ZNF619: variants seen among roughly 807,000 people sequenced by gnomAD.
The protein encoded by ZNF619 is zinc finger protein 619.
Under a neutral mutation model 14.2 loss-of-function variants are expected in ZNF619, and 9 were observed. That is an observed-to-expected ratio of 0.64 (90% CI 0.38 to 1.11). The LOEUF (loss-of-function observed/expected upper bound fraction) is 1.11. Among genes scored for constraint, ZNF619 ranks in the 50% least tolerant of loss-of-function variants. The pLI is 0.01. For missense variants in ZNF619, 659 were observed against 680.1 expected, an observed-to-expected ratio of 0.97 and a Z score of 0.34; for synonymous variants, 246 against 252.8, an observed-to-expected ratio of 0.97 and a Z score of 0.26.
intron 2 of ZNF619, among the ~76,000 whole-genome samples, chr3:40,478,612 C>A (rs143233233): frequency 1.3e-5 from 2 of 151,904 alleles, no homozygotes; most frequent in Non-Finnish European, 2.9e-5. Flanking sequence ...GTCAGTCTAA[C>A]CTCTGTGAGA....
At chr3:40,486,485 A>AG (rs1697582300) in intron 4 of ZNF619, among the ~76,000 whole-genome samples, 1 of 152,134 alleles carries the variant, frequency 6.6e-6, no homozygotes, top group African/African-American at 2.4e-5. Context: ...GGCTGACCAG[A>AG]GGTCAGGAGT....
rs201401885 is a variant in ZNF619 at position 40,484,472 on chromosome 3, CT to C, written c.295+1772del. Among the ~76,000 whole-genome samples the C allele has an allele frequency of 5.6e-4, 85 of 152,322 alleles. 1 individual carries two copies. In the East Asian group the frequency reaches 0.015, roughly 26 times the overall value. ...GGCTCTGTTATCATATTCTGTCAATCTTTTATGCTATTCAGAGCCTCTGTAA... is the reference window on the plus strand; with the variant it reads ...GGCTCTGTTATCATATTCTGTCAATCTTTATGCTATTCAGAGCCTCTGTAA... On this transcript the variant is annotated intron_variant, in intron 4 of 4. Transcript: ENST00000432264.
At chr3:40,479,503 T>G (rs1189561760) in intron 2 of ZNF619, among the ~76,000 whole-genome samples, 1 of 152,224 alleles carries the variant, frequency 6.6e-6, no homozygotes, top group African/African-American at 2.4e-5. Flanking sequence ...CTTCGTGCGT[T>G]ACAGATAATA....
In ZNF619 at chr3:40,478,010, A is replaced by G; in HGVS notation, c.24+7A>G. On this transcript the variant is annotated splice_region_variant and intron_variant, in intron 2 of 4. Transcript: ENST00000432264. ...CCAGACAGTGTGGTTCCAGGTGAGC[A>G]GAGCTTTCTTTCAGCTTTCCATACT... 1 of 1,553,006 alleles carries G rather than the reference A, an allele frequency of 6.4e-7. No homozygotes were observed. The highest frequency in any genetic ancestry group is 8.7e-7 in the Non-Finnish European group (1 of 1,147,516).
At position 40,488,095 on chromosome 3, in the gene ZNF619, C is replaced by T; in HGVS notation, c.1585C>T (p.Pro529Ser). ...ATCTTCTTCACATGCAGTGGTACTT[C>T]CTCCCTCTGTGCCTTTCTTCCTGCT... ...PLSSSHAVVL[P>S]PSVPFFLLLP... The change falls in exon 5 of 5, where the codon CCT becomes TCT. Residue 529 changes from proline to serine, a missense_variant. By Grantham distance (74) the Pro-to-Ser change is moderately conservative. Coordinates refer to ENST00000432264, the MANE Select transcript of ZNF619 (RefSeq NM_001145093.4). The T allele has an allele frequency of 6.2e-7, 1 of 1,614,220 alleles. No homozygotes were observed. The highest frequency in any genetic ancestry group is 8.5e-7 in the Non-Finnish European group (1 of 1,180,034).
At chr3:40,482,497 C>G in intron 3 of ZNF619, 91 bp from the exon 4 acceptor site, 1 of 1,553,122 alleles carries the variant, frequency 6.4e-7, no homozygotes, top group Non-Finnish European at 8.9e-7. Flanking sequence ...GGGCCATCCT[C>G]TTCTATTTTC....
In ZNF619 at chr3:40,487,628, A is replaced by G; in HGVS notation, c.1118A>G (p.Glu373Gly). 1 of 1,614,118 alleles carries G rather than the reference A, an allele frequency of 6.2e-7. No homozygotes were observed. The highest frequency in any genetic ancestry group is 8.5e-7 in the Non-Finnish European group (1 of 1,179,996). Reference sequence around the variant, plus strand: ...ATCCACACTGGGGAGAAACCTTATGAATGTAAAGAGTGTGGCAAGGCCTTC... The same window carrying G: ...ATCCACACTGGGGAGAAACCTTATGGATGTAAAGAGTGTGGCAAGGCCTTC... ...QRIHTGEKPY[E>G]CKECGKAFHR... The change falls in exon 5 of 5, where the codon GAA becomes GGA. Residue 373 changes from glutamate (E) to glycine (G), a missense_variant. Physicochemically the swap from Glu to Gly is moderately conservative, Grantham distance 98. Transcript: ENST00000432264.
chr3:40,477,815 A>G (rs978747278), intron 1 of ZNF619, 103 bp from the exon 2 acceptor site: 41 of 636,262 alleles, frequency 6.4e-5, no homozygotes, highest in Non-Finnish European at 9.0e-5. Context: ...GACAGCAGCT[A>G]GTGTGCCAAG....
chr3:40,485,832 C>A (rs959250016), intron 4 of ZNF619, among the ~76,000 whole-genome samples: 2 of 152,016 alleles, frequency 1.3e-5, no homozygotes, highest in Admixed American at 6.6e-5. Flanking sequence ...ATCCCCATAC[C>A]CCCGCTCCAA....
chr3:40,480,014 G>T (rs1158891349), intron 2 of ZNF619, among the ~76,000 whole-genome samples: 3 of 152,198 alleles, frequency 2.0e-5, no homozygotes, highest in Admixed American at 1.3e-4. Context: ...GCAAGTAAAG[G>T]ACAGAAGAGT....
rs147623933 is a variant in ZNF619, at chr3:40,487,826, A to G, written c.1316A>G (p.Gln439Arg). The G allele has an allele frequency of 9.5e-5, 153 of 1,614,074 alleles. No individual in the cohort carries two copies. Among genetic ancestry groups the G allele is most frequent in the Non-Finnish European group, 1.2e-4 (139 of 1,180,014 alleles). The change falls in exon 5 of 5, where the codon CAA becomes CGA. Residue 439 changes from glutamine to arginine, a missense_variant. By Grantham distance (43) the Gln-to-Arg change is conservative (BLOSUM62 1). Coordinates refer to ENST00000432264, the MANE Select transcript of ZNF619 (RefSeq NM_001145093.4). ...CAGGAATGTGGGAAGACATTCAGTC[A>G]AAAGATCACTCTGGTTCAGCATCAG... ...ECQECGKTFS[Q>R]KITLVQHQRV... is the part of the protein sequence containing the mutation.
chr3:40,480,555 G>T (rs2125635440), intron 2 of ZNF619, among the ~76,000 whole-genome samples: 1 of 149,116 alleles, frequency 6.7e-6, no homozygotes, highest in East Asian at 2.0e-4. Context: ...CTGGGGTGCA[G>T]TGGTGCAATC....
At chr3:40,483,875 A>G (rs1697493080) in intron 4 of ZNF619, among the ~76,000 whole-genome samples, 1 of 150,268 alleles carries the variant, frequency 6.7e-6, no homozygotes, top group Non-Finnish European at 1.5e-5. Context: ...TGATCTGCCC[A>G]CCTCAGCCTC....
intron 2 of ZNF619, among the ~76,000 whole-genome samples, chr3:40,481,236 G>A (rs888409097): frequency 6.6e-6 from 1 of 152,224 alleles, no homozygotes; most frequent in Non-Finnish European, 1.5e-5. Flanking sequence ...GAAGAGGACA[G>A]CATTGGCAGG....
At position 40,487,840 on chromosome 3, in the gene ZNF619, G is replaced by A; in HGVS notation, c.1330G>A (p.Val444Ile). ...GACATTCAGTCAAAAGATCACTCTG[G>A]TTCAGCATCAGCGAGTTCACACTGG... ...GKTFSQKITL[V>I]QHQRVHTGEK... The change falls in exon 5 of 5, where the codon GTT becomes ATT. Residue 444 changes from valine (V) to isoleucine (I), a missense_variant. Val to Ile is a conservative substitution (Grantham distance 29). Transcript: ENST00000432264. The A allele has an allele frequency of 1.2e-6, 2 of 1,613,472 alleles. No homozygotes were observed. Among genetic ancestry groups the A allele is most frequent in the East Asian group, 2.2e-5 (1 of 44,810 alleles).
chr3:40,485,034 T>A (rs1697534950), intron 4 of ZNF619, among the ~76,000 whole-genome samples: 1 of 152,128 alleles, frequency 6.6e-6, no homozygotes, highest in East Asian at 1.9e-4. Flanking sequence ...CTCAAGTGAT[T>A]CTTTCACCTC....
At chr3:40,486,046 A>G (rs891384810) in intron 4 of ZNF619, among the ~76,000 whole-genome samples, 13 of 152,326 alleles carry the variant, frequency 8.5e-5, no homozygotes, top group African/African-American at 3.1e-4. Context: ...AGAATATTTT[A>G]AAGTATTTTG....
intron 2 of ZNF619, among the ~76,000 whole-genome samples, chr3:40,478,453 G>A (rs1009782368): frequency 2.6e-5 from 4 of 152,180 alleles, no homozygotes; most frequent in South Asian, 4.1e-4. Context: ...ACTTCCAAGG[G>A]AGGAGTTTAC....
At position 40,487,900 on chromosome 3, in the gene ZNF619, G is replaced by C. The variant is rs756186820; in HGVS notation, c.1390G>C (p.Ala464Pro). The C allele has an allele frequency of 6.8e-6, 11 of 1,614,204 alleles. No individual in the cohort carries two copies. Among genetic ancestry groups the C allele is most frequent in the Non-Finnish European group, 9.3e-6 (11 of 1,180,034 alleles). The change falls in exon 5 of 5, where the codon GCC becomes CCC. Residue 464 changes from alanine to proline, a missense_variant. Ala to Pro is a conservative substitution (Grantham distance 27). Transcript: ENST00000432264. ...KPYECKECGK[A>P]FRWNASFIQH... ...TTATGAGTGTAAGGAGTGCGGGAAAGCCTTCAGATGGAATGCAAGTTTCAT... is the reference window on the plus strand; with the variant it reads ...TTATGAGTGTAAGGAGTGCGGGAAACCCTTCAGATGGAATGCAAGTTTCAT...
Sources: gnomAD v4.1 joint callset for allele counts (sites outside exome capture counted in the v4.1 genomes callset) on GRCh38, gnomAD v4.1.1 for gene constraint, MANE v1.5 for transcripts, NCBI Gene and HGNC (gene_info 2026-07-23, HGNC 2026-07-21) for gene names.